Variants in NFKB1 observed in about 807,000 individuals in gnomAD.
NFKB1 encodes nuclear factor NF-kappa-B p105 subunit.
NFKB1 carries 9 observed loss-of-function variants against 105.1 expected under a neutral mutation model. That is an observed-to-expected ratio of 0.09 (90% confidence interval 0.05 to 0.15). The LOEUF (loss-of-function observed/expected upper bound fraction) is 0.15. Ranked by LOEUF, NFKB1 falls within the 10% of genes least tolerant of loss-of-function variation. The pLI is 1.00. For synonymous variants in NFKB1, 440 were observed against 442.2 expected (o/e 1.00, Z 0.06); for missense variants, 830 against 1,203.7 (o/e 0.69, Z 4.59).
intron 5 of NFKB1, among the ~76,000 whole-genome samples, chr4:102,561,107 G>A (rs1359386808): frequency 2.0e-5 from 3 of 152,168 alleles, no homozygotes; most frequent in East Asian, 1.9e-4. Flanking sequence ...CAGAAACTGT[G>A]TTGGACATAA....
At position 102,616,865 on chromosome 4, in the gene NFKB1, C is replaced by A; in HGVS notation, c.*271C>A. ...GAGGTTGCTTACTAAGCTTTGCCAGCTGCTGCTGGATCACAGCTGCTTTCT... is the reference window on the plus strand; with the variant it reads ...GAGGTTGCTTACTAAGCTTTGCCAGATGCTGCTGGATCACAGCTGCTTTCT... On this transcript the variant is annotated 3_prime_UTR_variant, in exon 24 of 24. Transcript: ENST00000226574. The A allele has an allele frequency of 3.2e-6, 1 of 308,490 alleles. No homozygotes were observed. Among genetic ancestry groups the A allele is most frequent in the Non-Finnish European group, 6.1e-6 (1 of 162,886 alleles). 19.1% of individuals were successfully genotyped at this position (308,490 alleles called of 1,614,324 possible). A position where few individuals can be genotyped will look rare whatever the true frequency, so the allele number is the denominator to read the frequency against.
At chr4:102,546,962 T>C (rs2149138172) in intron 5 of NFKB1, among the ~76,000 whole-genome samples, 1 of 152,240 alleles carries the variant, frequency 6.6e-6, no homozygotes, top group East Asian at 1.9e-4. Flanking sequence ...TAGAAATGAA[T>C]ATGAAGTTGT....
intron 6 of NFKB1, among the ~76,000 whole-genome samples, chr4:102,573,249 G>A (rs142018793): frequency 0.023 from 3,555 of 152,114 alleles, 67 homozygotes; most frequent in African/African-American, 0.059. Context: ...CAGAGGTTGC[G>A]GTGAGCCGAG....
rs1726603017 is a variant in NFKB1 at position 102,596,259 on chromosome 4, G to A, written c.1422G>A (p.Glu474=). Residue 474 remains glutamate (E), a synonymous_variant, in exon 14 of 24, where the codon GAG becomes GAA. Transcript: ENST00000226574. ...CAGAGCAAGATCAGGAGCCCAGCGA[G>A]GCCACCGTTGGGAATGGTGAGGTCA... ...ETTEQDQEPS[E]ATVGNGEVTL... The A allele has an allele frequency of 1.2e-6, 2 of 1,613,582 alleles. No homozygotes were observed. Among genetic ancestry groups the A allele is most frequent in the South Asian group, 1.1e-5 (1 of 91,036 alleles).
intron 6 of NFKB1, among the ~76,000 whole-genome samples, chr4:102,576,531 G>A (rs906648485): frequency 1.3e-5 from 2 of 152,058 alleles, no homozygotes; most frequent in Non-Finnish European, 2.9e-5. Flanking sequence ...GACTCATTTG[G>A]TAGTAAAAAC....
At chr4:102,512,582 G>T (rs951441798) in intron 1 of NFKB1, among the ~76,000 whole-genome samples, 2 of 152,098 alleles carry the variant, frequency 1.3e-5, no homozygotes, top group African/African-American at 4.8e-5. Flanking sequence ...GCCAAGGCTT[G>T]TCCCCAAATA....
intron 6 of NFKB1, among the ~76,000 whole-genome samples, chr4:102,573,673 A>G (rs1175662045): frequency 6.6e-6 from 1 of 152,142 alleles, no homozygotes; most frequent in Non-Finnish European, 1.5e-5. Context: ...CCAGTTGCAC[A>G]TATATTTGGC....
chr4:102,581,025 T>G (rs1285913013), intron 9 of NFKB1, among the ~76,000 whole-genome samples: 24 of 152,214 alleles, frequency 1.6e-4, no homozygotes, highest in Admixed American at 1.6e-3. Context: ...TTAAATTGTT[T>G]TTATTTCTTT....
At chr4:102,607,049 C>A in intron 17 of NFKB1, 101 bp from the exon 18 acceptor site, 1 of 1,119,188 alleles carries the variant, frequency 8.9e-7, no homozygotes, top group Non-Finnish European at 1.4e-6. Context: ...CTTTACTGTC[C>A]CTCCCCATGA....
At chr4:102,593,383 A>C (rs755922969) in intron 11 of NFKB1, 42 bp from the exon 12 acceptor site, 1 of 1,580,468 alleles carries the variant, frequency 6.3e-7, no homozygotes, top group Admixed American at 1.7e-5. Context: ...GGTGGGACCA[A>C]ATCAATCTTT....
At chr4:102,502,808 A>T (rs1036687070) in intron 1 of NFKB1, among the ~76,000 whole-genome samples, 3 of 152,172 alleles carry the variant, frequency 2.0e-5, no homozygotes, top group African/African-American at 7.2e-5. Context: ...TAACTCAAAG[A>T]TTTTTTTATA....
intron 1 of NFKB1, among the ~76,000 whole-genome samples, chr4:102,507,893 A>G (rs1739532874): frequency 6.6e-6 from 1 of 152,220 alleles, no homozygotes; most frequent in Non-Finnish European, 1.5e-5. Context: ...TATAACAAGT[A>G]TGTAAAAAAG....
At chr4:102,534,274 C>T (rs1425893953) in intron 4 of NFKB1, among the ~76,000 whole-genome samples, 1 of 152,134 alleles carries the variant, frequency 6.6e-6, no homozygotes, top group Non-Finnish European at 1.5e-5. Flanking sequence ...CATCTATTAT[C>T]CTTGCACATG....
At chr4:102,614,030 A>G (rs894323291) in intron 23 of NFKB1, among the ~76,000 whole-genome samples, 6 of 152,312 alleles carry the variant, frequency 3.9e-5, no homozygotes, top group African/African-American at 9.6e-5. Flanking sequence ...AACCCAGCCC[A>G]GTAATCCTAT....
chr4:102,585,934 C>T (rs1410364974), intron 11 of NFKB1, among the ~76,000 whole-genome samples: 1 of 151,976 alleles, frequency 6.6e-6, no homozygotes, highest in African/African-American at 2.4e-5. Context: ...GACATGAAGG[C>T]CAATGTGGGT....
intron 19 of NFKB1, among the ~76,000 whole-genome samples, chr4:102,609,428 A>C (rs1435577556): frequency 6.6e-6 from 1 of 151,912 alleles, no homozygotes; most frequent in East Asian, 1.9e-4. Flanking sequence ...CCTGGCCAAC[A>C]TGACGAAACC....
chr4:102,571,166 C>A (rs1232992426), intron 6 of NFKB1, among the ~76,000 whole-genome samples: 1 of 152,150 alleles, frequency 6.6e-6, no homozygotes, highest in Non-Finnish European at 1.5e-5. Flanking sequence ...ACAGAGCCCT[C>A]AGAAATAATA....
intron 5 of NFKB1, among the ~76,000 whole-genome samples, chr4:102,553,172 T>G (rs972464955): frequency 5.9e-5 from 9 of 152,294 alleles, no homozygotes; most frequent in African/African-American, 2.2e-4. Flanking sequence ...ACAGGGCAGC[T>G]GTATTTACTG....
intron 5 of NFKB1, among the ~76,000 whole-genome samples, chr4:102,539,064 C>G (rs1438575457): frequency 6.6e-6 from 1 of 151,830 alleles, no homozygotes; most frequent in Non-Finnish European, 1.5e-5. Flanking sequence ...TGGTGAAACC[C>G]CATCTCTACT....
Sources: allele counts gnomAD v4.1 joint callset (sites outside exome capture counted in the v4.1 genomes callset), GRCh38; gene constraint gnomAD v4.1.1; transcripts MANE v1.5; gene names NCBI Gene and HGNC (gene_info 2026-07-23, HGNC 2026-07-21).